ANKRD36: variants seen among roughly 807,000 people sequenced by gnomAD.
ANKRD36 encodes the protein ankyrin repeat domain 36.
In ANKRD36, 179 loss-of-function variants were observed where a neutral mutation model predicts 278.1. The observed-to-expected ratio is 0.64, with a 90% confidence interval of 0.57 to 0.73. The LOEUF (loss-of-function observed/expected upper bound fraction) is 0.73. Ranked by LOEUF, ANKRD36 falls within the 30% of genes least tolerant of loss-of-function variation. The probability of loss-of-function intolerance (pLI) is 0.00; values close to 1 mark genes in which losing one functional copy is unlikely to be tolerated. For missense variants in ANKRD36, 1,159 were observed against 1,956.7 expected, an observed-to-expected ratio of 0.59 and a Z score of 7.69; for synonymous variants, 320 against 641.1, an observed-to-expected ratio of 0.50 and a Z score of 7.57.
intron 58 of ANKRD36, 80 bp downstream of exon 58, chr2:97,211,821 G>T (rs2064727823): frequency 1.2e-5 from 17 of 1,446,016 alleles, no homozygotes; most frequent in Non-Finnish European, 1.6e-5. Context: ...ACAGCGGGGG[G>T]TTCGTCAAGC....
At chr2:97,128,499 C>G (rs1421136221) in intron 6 of ANKRD36, among the ~76,000 whole-genome samples, 1 of 151,578 alleles carries the variant, frequency 6.6e-6, no homozygotes, top group African/African-American at 2.4e-5. Flanking sequence ...TTGGCGGTAC[C>G]CTTTTCAAAA....
intron 34 of ANKRD36, among the ~76,000 whole-genome samples, chr2:97,190,628 C>T (rs1391430747): frequency 6.6e-6 from 1 of 151,462 alleles, no homozygotes. Context: ...TCATGTAGCA[C>T]CTGCTTTGAC....
intron 17 of ANKRD36, among the ~76,000 whole-genome samples, chr2:97,159,944 G>A: frequency 6.6e-6 from 1 of 152,204 alleles, no homozygotes; most frequent in African/African-American, 2.4e-5. Flanking sequence ...ATCACGCCCG[G>A]CTAATTTTTT....
chr2:97,139,070 T>C (rs1044121897), intron 6 of ANKRD36, among the ~76,000 whole-genome samples: 3 of 152,014 alleles, frequency 2.0e-5, no homozygotes, highest in African/African-American at 7.2e-5. Flanking sequence ...AAAGCCAAAA[T>C]TGACAAATGG....
intron 48 of ANKRD36, among the ~76,000 whole-genome samples, chr2:97,202,891 T>A (rs1245829643): frequency 1.3e-5 from 2 of 151,798 alleles, no homozygotes; most frequent in Non-Finnish European, 2.9e-5. Context: ...GTCATTTGTA[T>A]AATTTTGGGG....
At chr2:97,116,267 T>A (rs1192137086) in intron 1 of ANKRD36, among the ~76,000 whole-genome samples, 2 of 152,004 alleles carry the variant, frequency 1.3e-5, no homozygotes, top group African/African-American at 2.4e-5. Flanking sequence ...TTTTATTATT[T>A]ATGTCTTTGT....
intron 46 of ANKRD36, 34 bp from the exon 47 acceptor site, chr2:97,202,168 G>C: frequency 6.2e-7 from 1 of 1,607,582 alleles, no homozygotes; most frequent in South Asian, 1.1e-5. Context: ...TCATATTTAC[G>C]TATGACTGAT....
At chr2:97,230,566 T>G (rs2071602042) in intron 67 of ANKRD36, among the ~76,000 whole-genome samples, 1 of 152,062 alleles carries the variant, frequency 6.6e-6, no homozygotes, top group Non-Finnish European at 1.5e-5. Context: ...GTTTTTAACT[T>G]CTTTGCCTTT....
intron 38 of ANKRD36, among the ~76,000 whole-genome samples, chr2:97,193,807 G>T (rs1036383126): frequency 9.2e-5 from 14 of 151,722 alleles, no homozygotes; most frequent in African/African-American, 3.1e-4. Context: ...TGTTCAAGGA[G>T]CTACCTCTTG....
chr2:97,178,966 A>G (rs999391072), intron 22 of ANKRD36, among the ~76,000 whole-genome samples: 2 of 151,636 alleles, frequency 1.3e-5, no homozygotes, highest in African/African-American at 4.8e-5. Context: ...AGTGATTTCC[A>G]GATGTAAAAG....
chr2:97,139,703 T>C (rs1368264708), intron 6 of ANKRD36, among the ~76,000 whole-genome samples: 1 of 152,150 alleles, frequency 6.6e-6, no homozygotes, highest in African/African-American at 2.4e-5. Flanking sequence ...AGCATAGCTG[T>C]ATCTCTCCCA....
Position 97,189,113 on chromosome 2 carries a change from A to T in ANKRD36, c.2170A>T (p.Lys724Ter), listed in dbSNP as rs1157788849. 1 of 759,232 alleles carries T rather than the reference A, an allele frequency of 1.3e-6. No individual in the cohort carries two copies. The highest frequency in any genetic ancestry group is 2.2e-6 in the Non-Finnish European group (1 of 447,584). 47.0% of individuals were successfully genotyped at this position (759,232 alleles called of 1,614,324 possible). A position where few individuals can be genotyped will look rare whatever the true frequency, so the allele number is the denominator to read the frequency against. Residue 724 changes from lysine (K) to a stop codon, truncating the protein, a stop_gained and splice_region_variant, in exon 33 of 76, where the codon AAG (lysine) becomes TAG (stop). Transcript: ENST00000420699. LOFTEE classifies it high-confidence loss of function. ...TVSSQKQPAL[K>*]ATTDEEDSVS... ...GTCTTCTCAGAAGCAACCAGCCTTG[A>T]AGGTAATTAAACTCTCGTTTACATT...
At chr2:97,155,260 C>T (rs1310577085) in intron 15 of ANKRD36, among the ~76,000 whole-genome samples, 1 of 142,718 alleles carries the variant, frequency 7.0e-6, no homozygotes, top group Non-Finnish European at 1.6e-5. Flanking sequence ...CAGAGAGCTA[C>T]TTCTTTATTT....
Position 97,162,173 on chromosome 2 carries a change from A to G in ANKRD36, c.1429+35A>G, listed in dbSNP as rs550051656. ...TTATAAAAAGTGCTCCATGAGAGCA[A>G]TGAAATAATGATAATGTTATTTTTT... On this transcript the variant is annotated intron_variant, in intron 18 of 75. Coordinates refer to ENST00000420699, the MANE Select transcript of ANKRD36 (RefSeq NM_001354587.1). The G allele has an allele frequency of 3.2e-5, 44 of 1,360,244 alleles. No individual in the cohort carries two copies. In the African/African-American group the frequency reaches 6.1e-4, roughly 19 times the overall value. 84.3% of individuals were successfully genotyped at this position (1,360,244 alleles called of 1,614,324 possible). A position where few individuals can be genotyped will look rare whatever the true frequency, so the allele number is the denominator to read the frequency against.
At chr2:97,217,099 A>G in intron 62 of ANKRD36, 78 bp from the exon 63 acceptor site, 1 of 1,543,224 alleles carries the variant, frequency 6.5e-7, no homozygotes, top group Middle Eastern at 2.3e-4. Context: ...ATACAGCTTG[A>G]TGCTAACACT....
intron 66 of ANKRD36, among the ~76,000 whole-genome samples, chr2:97,220,729 C>CCTT (rs1363816560): frequency 2.1e-3 from 142 of 66,458 alleles, no homozygotes; most frequent in African/African-American, 8.8e-3. Flanking sequence ...GATTTTCTTG[C>CCTT]TTTTTTTTTT....
intron 10 of ANKRD36, 39 bp downstream of exon 10, chr2:97,144,751 A>C: frequency 6.5e-7 from 1 of 1,538,212 alleles, no homozygotes; most frequent in Non-Finnish European, 8.7e-7. Flanking sequence ...TGTACAGTCA[A>C]GATAGAGAAC....
Position 97,202,302 on chromosome 2 carries a change from C to A in ANKRD36, c.2887-19C>A, listed in dbSNP as rs370367668. The A allele has an allele frequency of 1.3e-6, 2 of 1,589,380 alleles. No homozygotes were observed. The highest frequency in any genetic ancestry group is 4.6e-5 in the East Asian group (2 of 43,038). The stretch of plus-strand genomic sequence containing the variant: ...ATGAAACATACTTTATTTATTATTT[C>A]GTTTTAAATTCCATTCAGGGTACAA... On this transcript the variant is annotated intron_variant, in intron 47 of 75. Transcript: ENST00000420699.
chr2:97,187,103 G>A (rs1230965356), intron 30 of ANKRD36, 95 bp from the exon 31 acceptor site: 1 of 1,570,224 alleles, frequency 6.4e-7, no homozygotes, highest in Non-Finnish European at 8.6e-7. Context: ...ACTAATACAG[G>A]CAGGCGGATA....
Sources: allele counts gnomAD v4.1 joint callset (sites outside exome capture counted in the v4.1 genomes callset), GRCh38; gene constraint gnomAD v4.1.1; transcripts MANE v1.5; gene names NCBI Gene and HGNC (gene_info 2026-07-23, HGNC 2026-07-21).